ZNG1E: variants seen among roughly 807,000 people sequenced by gnomAD.
ZNG1E encodes the protein Zn regulated GTPase metalloprotein activator 1E.
the ZNG1E span, among the ~76,000 whole-genome samples, chr9:65,663,532 G>C: frequency 7.4e-6 from 1 of 135,844 alleles, no homozygotes; most frequent in African/African-American, 2.8e-5. Flanking sequence ...GCAAAGCCTT[G>C]CTCTTCCATG....
At chr9:65,664,201 G>A in the ZNG1E span, among the ~76,000 whole-genome samples, 2 of 151,836 alleles carry the variant, frequency 1.3e-5, no homozygotes, top group African/African-American at 4.8e-5. Flanking sequence ...GCATGCACAT[G>A]TATGCATATA....
the ZNG1E span, among the ~76,000 whole-genome samples, chr9:65,674,835 G>T: frequency 6.9e-6 from 1 of 144,348 alleles, no homozygotes; most frequent in Non-Finnish European, 1.5e-5. Context: ...TCAAGAGGAA[G>T]TTGCACACAC....
At chr9:65,715,193 A>G in the ZNG1E span, among the ~76,000 whole-genome samples, 1 of 147,458 alleles carries the variant, frequency 6.8e-6, no homozygotes, top group East Asian at 2.0e-4. Context: ...TTCTTTGACT[A>G]GGAAAGGGAA....
the ZNG1E span, among the ~76,000 whole-genome samples, chr9:65,684,514 G>A: frequency 1.3e-5 from 2 of 151,954 alleles, no homozygotes; most frequent in East Asian, 1.9e-4. Flanking sequence ...TCCAGCCCAG[G>A]CAACAGAGCA....
chr9:65,718,936 A>G, the ZNG1E span, among the ~76,000 whole-genome samples: 1 of 57,544 alleles, frequency 1.7e-5, no homozygotes, highest in African/African-American at 6.8e-5. Context: ...ACTAAACTTA[A>G]ATGTTCGTTG....
At chr9:65,660,876 A>G in the ZNG1E span, among the ~76,000 whole-genome samples, 1 of 146,040 alleles carries the variant, frequency 6.8e-6, no homozygotes, top group Non-Finnish European at 1.5e-5. Flanking sequence ...TTATATATAA[A>G]TAAATACATA....
the ZNG1E span, among the ~76,000 whole-genome samples, chr9:65,657,965 G>A: frequency 5.1e-4 from 78 of 152,338 alleles, no homozygotes; most frequent in Non-Finnish European, 7.8e-4. Flanking sequence ...TGGGCATGGC[G>A]GCTCATTCCT....
At chr9:65,680,499 T>G in the ZNG1E span, among the ~76,000 whole-genome samples, 2 of 152,086 alleles carry the variant, frequency 1.3e-5, no homozygotes, top group Non-Finnish European at 2.9e-5. Context: ...ATACTTTTCT[T>G]CATGTTTCAT....
At chr9:65,684,992 T>G in the ZNG1E span, among the ~76,000 whole-genome samples, 10 of 148,812 alleles carry the variant, frequency 6.7e-5, no homozygotes, top group Non-Finnish European at 1.3e-4. Context: ...CAGTGAGTCA[T>G]GATTGCACCA....
chr9:65,691,027 G>A, the ZNG1E span: 47 of 1,598,966 alleles, frequency 2.9e-5, no homozygotes, highest in African/African-American at 5.7e-4. Flanking sequence ...TACCTTGATG[G>A]TAAGTTAAAA....
chr9:65,693,765 C>T, the ZNG1E span, among the ~76,000 whole-genome samples: 1 of 151,820 alleles, frequency 6.6e-6, no homozygotes, highest in Non-Finnish European at 1.5e-5. Context: ...CCATGTTGAC[C>T]AGCCTGGTCA....
chr9:65,658,217 G>C, the ZNG1E span, among the ~76,000 whole-genome samples: 1 of 2,896 alleles, frequency 3.5e-4, no homozygotes, highest in Non-Finnish European at 1.4e-3. Context: ...CCACAGAGGC[G>C]TAAGAGGAGA....
At chr9:65,685,043 T>TTAAAAAA in the ZNG1E span, among the ~76,000 whole-genome samples, 1 of 107,700 alleles carries the variant, frequency 9.3e-6, no homozygotes, top group African/African-American at 3.6e-5. Flanking sequence ...CCCCATTTCT[T>TTAAAAAA]AAAAAAAAAA....
chr9:65,672,485 C>T, the ZNG1E span, among the ~76,000 whole-genome samples: 1 of 151,106 alleles, frequency 6.6e-6, no homozygotes, highest in South Asian at 2.1e-4. Flanking sequence ...GTGGCTCACG[C>T]CTGTAATCCC....
At chr9:65,660,828 G>GATATATAT in the ZNG1E span, among the ~76,000 whole-genome samples, 3 of 130,328 alleles carry the variant, frequency 2.3e-5, no homozygotes, top group African/African-American at 9.0e-5. Flanking sequence ...TGGTTATACA[G>GATATATAT]ATATATATAT....
the ZNG1E span, among the ~76,000 whole-genome samples, chr9:65,724,330 A>T: frequency 3.5e-4 from 52 of 150,384 alleles, no homozygotes; most frequent in South Asian, 1.5e-3. Flanking sequence ...ATTTAACCTG[A>T]TAAAAGCAAA....
chr9:65,671,254 A>T, the ZNG1E span, among the ~76,000 whole-genome samples: 1 of 151,562 alleles, frequency 6.6e-6, no homozygotes, highest in East Asian at 1.9e-4. Flanking sequence ...CTCTAATCCC[A>T]TTGGAAAATA....
At chr9:65,674,046 G>T in the ZNG1E span, among the ~76,000 whole-genome samples, 3 of 152,082 alleles carry the variant, frequency 2.0e-5, no homozygotes, top group South Asian at 4.2e-4. Context: ...AAACGAAAAA[G>T]CTTATGAACC....
chr9:65,727,360 G>A, the ZNG1E span, among the ~76,000 whole-genome samples: 4 of 146,340 alleles, frequency 2.7e-5, no homozygotes, highest in African/African-American at 1.1e-4. Context: ...AAGGTATACA[G>A]GCAACAAATA....
Sources: allele counts gnomAD v4.1 joint callset (sites outside exome capture counted in the v4.1 genomes callset), GRCh38; gene constraint gnomAD v4.1.1; transcripts MANE v1.5; gene names NCBI Gene and HGNC (gene_info 2026-07-23, HGNC 2026-07-21).